RAB3IP: variants seen among roughly 807,000 people sequenced by gnomAD.
RAB3IP encodes the protein RAB3A interacting protein.
RAB3IP carries 36 observed loss-of-function variants against 59.1 expected under a neutral mutation model. The observed-to-expected ratio is 0.61, with a 90% CI of 0.47 to 0.80. RAB3IP has a LOEUF of 0.80. Among genes scored for constraint, RAB3IP ranks in the 30% least tolerant of loss-of-function variants. The pLI, the probability that RAB3IP is intolerant of heterozygous loss-of-function variation, is 0.00. For missense variants in RAB3IP, 511 were observed against 536.0 expected, an observed-to-expected ratio of 0.95 and a Z score of 0.46; for synonymous variants, 207 against 191.2, an observed-to-expected ratio of 1.08 and a Z score of -0.68.
intron 1 of RAB3IP, among the ~76,000 whole-genome samples, chr12:69,747,227 G>C (rs966266752): frequency 1.3e-5 from 2 of 151,936 alleles, no homozygotes; most frequent in Non-Finnish European, 2.9e-5. Flanking sequence ...GCCAGATATG[G>C]TGCTAAGCTC....
chr12:69,803,112 A>G (rs1878651405), intron 8 of RAB3IP, among the ~76,000 whole-genome samples: 1 of 152,196 alleles, frequency 6.6e-6, no homozygotes. Flanking sequence ...CTTGCATTAT[A>G]TATCACATAT....
chr12:69,746,945 A>G (rs1868404959), intron 1 of RAB3IP, among the ~76,000 whole-genome samples: 1 of 152,086 alleles, frequency 6.6e-6, no homozygotes, highest in Admixed American at 6.6e-5. Context: ...ATAATCTTAA[A>G]CCTTTTCTTT....
chr12:69,768,018 C>A (rs1404021613), intron 3 of RAB3IP, among the ~76,000 whole-genome samples: 2 of 151,882 alleles, frequency 1.3e-5, no homozygotes, highest in Non-Finnish European at 2.9e-5. Context: ...AAAGGGAACC[C>A]CTCCACCAGG....
At chr12:69,738,702 C>A (rs1886910272), upstream of RAB3IP, 1 of 152,214 alleles carries the variant, frequency 6.6e-6, no homozygotes, top group Admixed American at 6.5e-5. Flanking sequence ...GTGACACCTG[C>A]GACGAGCCCC....
chr12:69,796,916 T>C (rs1293233589), intron 6 of RAB3IP, among the ~76,000 whole-genome samples: 1 of 152,246 alleles, frequency 6.6e-6, no homozygotes, highest in Non-Finnish European at 1.5e-5. Flanking sequence ...TTTTTAGTTT[T>C]TGAAATCCCT....
At chr12:69,758,095 C>G (rs1263526560) in intron 3 of RAB3IP, among the ~76,000 whole-genome samples, 1 of 152,136 alleles carries the variant, frequency 6.6e-6, no homozygotes, top group African/African-American at 2.4e-5. Context: ...AAAAATACTT[C>G]CTGAATTGTG....
At chr12:69,768,533 G>T (rs1256099925) in intron 3 of RAB3IP, among the ~76,000 whole-genome samples, 2 of 152,040 alleles carry the variant, frequency 1.3e-5, no homozygotes, top group African/African-American at 4.8e-5. Context: ...GGCCAGGCAG[G>T]TGGGTGCTCT....
chr12:69,741,063 G>GT (rs1192878363), intron 1 of RAB3IP, among the ~76,000 whole-genome samples: 2 of 152,178 alleles, frequency 1.3e-5, no homozygotes, highest in African/African-American at 4.8e-5. Flanking sequence ...ATATTCTGCT[G>GT]TTTTTTATGT....
intron 1 of RAB3IP, among the ~76,000 whole-genome samples, chr12:69,751,416 C>T (rs1409907832): frequency 1.3e-5 from 2 of 152,136 alleles, no homozygotes; most frequent in Non-Finnish European, 2.9e-5. Context: ...TGGTATTACT[C>T]TGAGTACATG....
intron 4 of RAB3IP, among the ~76,000 whole-genome samples, chr12:69,792,954 A>C (rs974444509): frequency 6.6e-6 from 1 of 152,236 alleles, no homozygotes; most frequent in Non-Finnish European, 1.5e-5. Flanking sequence ...TTAGTCAACT[A>C]TTCTCTCCAT....
chr12:69,759,708 C>G (rs1334643255), intron 3 of RAB3IP, among the ~76,000 whole-genome samples: 3 of 150,302 alleles, frequency 2.0e-5, no homozygotes, highest in Non-Finnish European at 4.4e-5. Flanking sequence ...GCTGACCCCC[C>G]ACCTCCCTCC....
chr12:69,821,211 C>T lies in RAB3IP; in HGVS notation c.*5765C>T, dbSNP rs1881707512. 6.6e-6 allele frequency: 1 copy of T among 152,246 alleles called. No individual in the cohort carries two copies. 9.4% of individuals were successfully genotyped at this position (152,246 alleles called of 1,614,324 possible). On this transcript the variant is annotated 3_prime_UTR_variant, in exon 11 of 11. Coordinates refer to ENST00000247833, the MANE Select transcript of RAB3IP (RefSeq NM_022456.5). The stretch of plus-strand genomic sequence containing the variant: ...GCAGCAGCTCAGCTTTTATCTGTAT[C>T]TGTTGGAGCTCTCTAGGAAATGTCA...
chr12:69,767,140 A>AT (rs1202530055), intron 3 of RAB3IP, among the ~76,000 whole-genome samples: 4 of 151,714 alleles, frequency 2.6e-5, no homozygotes, highest in African/African-American at 9.7e-5. Flanking sequence ...TGTGAGTAGG[A>AT]TTTTTTTTCT....
intron 6 of RAB3IP, 69 bp from the exon 7 acceptor site, chr12:69,800,140 G>T: frequency 7.8e-7 from 1 of 1,290,180 alleles, no homozygotes. Flanking sequence ...ATTAGTTTTG[G>T]TTTTGTAAAG....
At chr12:69,751,802 A>G (rs541210923) in intron 1 of RAB3IP, among the ~76,000 whole-genome samples, 11 of 152,182 alleles carry the variant, frequency 7.2e-5, no homozygotes, top group African/African-American at 2.2e-4. Flanking sequence ...TGGTTAAGCT[A>G]CCATCTCAGT....
rs1881038194 is a variant in RAB3IP at position 69,815,473 on chromosome 12, T to TC, written c.*31dup. 1.4e-6 allele frequency: 2 copies of TC among 1,452,500 alleles called. No homozygotes were observed. Among genetic ancestry groups the TC allele is most frequent in the Non-Finnish European group, 1.9e-6 (2 of 1,038,708 alleles). 90.0% of individuals were successfully genotyped at this position (1,452,500 alleles called of 1,614,324 possible). Reference sequence around the variant, plus strand: ...GCTCTGCGTGGGACCATGCCTGAACTCCCCGAATAACTGAAAAATGGCTGA... The same window carrying TC: ...GCTCTGCGTGGGACCATGCCTGAACTCCCCCGAATAACTGAAAAATGGCTGA... On this transcript the variant is annotated 3_prime_UTR_variant, in exon 11 of 11. Transcript: ENST00000247833.
chr12:69,798,712 G>A (rs1056242810), intron 6 of RAB3IP, among the ~76,000 whole-genome samples: 1 of 152,130 alleles, frequency 6.6e-6, no homozygotes, highest in Non-Finnish European at 1.5e-5. Context: ...TAAGGTATAA[G>A]GAAGGGATCC....
intron 4 of RAB3IP, among the ~76,000 whole-genome samples, chr12:69,786,822 T>C (rs1398525339): frequency 6.6e-6 from 1 of 152,110 alleles, no homozygotes; most frequent in Non-Finnish European, 1.5e-5. Context: ...TGAAAAAGCA[T>C]ATCTAAAAAA....
chr12:69,780,404 G>A (rs564673629), intron 3 of RAB3IP, among the ~76,000 whole-genome samples: 4 of 152,156 alleles, frequency 2.6e-5, no homozygotes, highest in Admixed American at 1.3e-4. Flanking sequence ...GGCTGGAGCC[G>A]AGTCTGGGCC....
Sources: gnomAD v4.1 joint callset for allele counts (sites outside exome capture counted in the v4.1 genomes callset) on GRCh38, gnomAD v4.1.1 for gene constraint, MANE v1.5 for transcripts, NCBI Gene and HGNC (gene_info 2026-07-23, HGNC 2026-07-21) for gene names.